COPS3: variants seen among roughly 807,000 people sequenced by gnomAD.
COPS3 encodes the protein COP9 signalosome complex subunit 3.
A neutral mutation model predicts 58.2 loss-of-function variants in COPS3; 10 were observed. The observed-to-expected ratio is 0.17, with a 90% CI of 0.11 to 0.29. The LOEUF (loss-of-function observed/expected upper bound fraction) is 0.29. Ranked by LOEUF, COPS3 falls within the 10% of genes least tolerant of loss-of-function variation. The pLI is 1.00. For synonymous variants in COPS3, 187 were observed against 181.7 expected, an observed-to-expected ratio of 1.03 and a Z score of -0.24; for missense variants, 333 against 510.1, an observed-to-expected ratio of 0.65 and a Z score of 3.34.
chr17:17,273,715 G>C lies in COPS3; in HGVS notation c.185+2320C>G, dbSNP rs2048399837. Reference sequence around the variant, plus strand: ...AAAAACACAAAAATTAGGCGGGCGTGGTGGTGTACACCTGTGGTCCTGGCT... The same window carrying C: ...AAAAACACAAAAATTAGGCGGGCGTCGTGGTGTACACCTGTGGTCCTGGCT... On this transcript the variant is annotated intron_variant, in intron 2 of 11. Coordinates refer to ENST00000268717, the MANE Select transcript of COPS3 (RefSeq NM_003653.4). Among the ~76,000 whole-genome samples, 5 of 152,162 alleles carry C rather than the reference G, an allele frequency of 3.3e-5. No individual in the cohort carries two copies. The South Asian group carries it at 1.0e-3, about 32-fold the overall frequency.
intron 9 of COPS3, among the ~76,000 whole-genome samples, 162 bp from the exon 10 acceptor site, chr17:17,249,201 C>T (rs1434557427): frequency 6.6e-6 from 1 of 152,140 alleles, no homozygotes; most frequent in Non-Finnish European, 1.5e-5. Flanking sequence ...TTATTAAATA[C>T]CTACTATTTG....
intron 8 of COPS3, among the ~76,000 whole-genome samples, chr17:17,259,165 G>C (rs1393429272): frequency 1.3e-5 from 2 of 152,066 alleles, no homozygotes; most frequent in Non-Finnish European, 2.9e-5. Context: ...ACCCTATTCT[G>C]GTTCCTTGGC....
chr17:17,267,130 G>T (rs565972041), intron 5 of COPS3, among the ~76,000 whole-genome samples: 105 of 151,918 alleles, frequency 6.9e-4, no homozygotes, highest in African/African-American at 2.4e-3. Context: ...GACGTCAGGA[G>T]ATTGAGACCA....
chr17:17,280,999 G>T, intron 1 of COPS3, 133 bp downstream of exon 1: 2 of 1,097,954 alleles, frequency 1.8e-6, no homozygotes, highest in Non-Finnish European at 2.6e-6. Context: ...TCTAAACGCC[G>T]CAACCCCAAG....
chr17:17,257,596 G>C, intron 8 of COPS3, among the ~76,000 whole-genome samples: 1 of 151,180 alleles, frequency 6.6e-6, no homozygotes, highest in East Asian at 2.0e-4. Flanking sequence ...AGGAGATCGA[G>C]ACCATCCTAG....
intron 2 of COPS3, among the ~76,000 whole-genome samples, chr17:17,271,314 A>G (rs2048335497): frequency 6.6e-6 from 1 of 152,074 alleles, no homozygotes; most frequent in African/African-American, 2.4e-5. Context: ...CTGTAGTTGC[A>G]GATACTTGGG....
At chr17:17,248,498 G>A (rs972421804) in intron 10 of COPS3, among the ~76,000 whole-genome samples, 1 of 151,904 alleles carries the variant, frequency 6.6e-6, no homozygotes, top group Admixed American at 6.6e-5. Flanking sequence ...ATTTTTTTTA[G>A]TAGAGACGGG....
intron 1 of COPS3, among the ~76,000 whole-genome samples, chr17:17,276,706 T>G (rs891871426): frequency 6.6e-6 from 1 of 152,036 alleles, no homozygotes; most frequent in Non-Finnish European, 1.5e-5. Context: ...ATAGCTGGGA[T>G]TACAGGCGCC....
At chr17:17,274,110 A>G (rs1437916167) in intron 2 of COPS3, among the ~76,000 whole-genome samples, 1 of 152,230 alleles carries the variant, frequency 6.6e-6, no homozygotes, top group African/African-American at 2.4e-5. Flanking sequence ...TTTTGAAGGT[A>G]TAAGGTGTTT....
At chr17:17,259,443 G>A (rs2041194328) in intron 8 of COPS3, among the ~76,000 whole-genome samples, 1 of 152,096 alleles carries the variant, frequency 6.6e-6, no homozygotes, top group South Asian at 2.1e-4. Context: ...AAACCTAGCA[G>A]GTTATTTTCA....
chr17:17,278,325 A>G (rs551643030), intron 1 of COPS3, among the ~76,000 whole-genome samples: 2 of 152,338 alleles, frequency 1.3e-5, no homozygotes, highest in South Asian at 2.1e-4. Flanking sequence ...TCTACAGAGC[A>G]ACTGCATAAT....
chr17:17,271,786 C>T (rs2145246322), intron 2 of COPS3, among the ~76,000 whole-genome samples: 1 of 149,678 alleles, frequency 6.7e-6, no homozygotes, highest in Non-Finnish European at 1.5e-5. Context: ...TGCCACTGCA[C>T]TCCAGCCTGG....
At chr17:17,267,411 C>A (rs752820616) in intron 5 of COPS3, among the ~76,000 whole-genome samples, 1 of 150,550 alleles carries the variant, frequency 6.6e-6, no homozygotes, top group African/African-American at 2.4e-5. Flanking sequence ...GAGGCTGAGG[C>A]GGGTGGATCA....
At chr17:17,249,561 C>T (rs2047795904) in intron 9 of COPS3, among the ~76,000 whole-genome samples, 1 of 151,914 alleles carries the variant, frequency 6.6e-6, no homozygotes, top group African/African-American at 2.4e-5. Context: ...GGCACAATCT[C>T]GGCTCACTGC....
chr17:17,272,229 C>A (rs1002685259), intron 2 of COPS3, among the ~76,000 whole-genome samples: 10 of 152,092 alleles, frequency 6.6e-5, no homozygotes, highest in African/African-American at 2.2e-4. Context: ...TCAAGACCAG[C>A]CTGACCAATC....
At chr17:17,274,262 T>G (rs1200618893) in intron 2 of COPS3, among the ~76,000 whole-genome samples, 2 of 152,172 alleles carry the variant, frequency 1.3e-5, no homozygotes, top group African/African-American at 4.8e-5. Context: ...GCAGTCGCAA[T>G]GCCTCACTGA....
In COPS3 at chr17:17,276,131, T is replaced by C. The variant is rs1382049845; in HGVS notation, c.89A>G (p.Lys30Arg). Residue 30 changes from lysine (K) to arginine (R), a missense_variant, in exon 2 of 12, where the codon AAG becomes AGG. Coordinates refer to ENST00000268717, the MANE Select transcript of COPS3 (RefSeq NM_003653.4). Reference sequence around the variant, plus strand: ...GTTCTTCGCAAGGAGTTCCCCACTCTTGTTGATCAGTTCACAAAGCTGTGT... The same window carrying C: ...GTTCTTCGCAAGGAGTTCCCCACTCCTGTTGATCAGTTCACAAAGCTGTGT... ...QMTQLCELIN[K>R]SGELLAKNLS... 3.1e-6 allele frequency: 5 copies of C among 1,613,962 alleles called. No individual in the cohort carries two copies. The highest frequency in any genetic ancestry group is 1.3e-5 in the African/African-American group (1 of 74,926).
At chr17:17,248,872 C>T in intron 10 of COPS3, 54 bp downstream of exon 10, 1 of 1,157,878 alleles carries the variant, frequency 8.6e-7, no homozygotes, top group Non-Finnish European at 1.3e-6. Context: ...GAGCAATTTT[C>T]AAATACATCT....
intron 5 of COPS3, among the ~76,000 whole-genome samples, chr17:17,267,096 G>C (rs929004412): frequency 4.0e-5 from 6 of 151,696 alleles, no homozygotes; most frequent in Admixed American, 3.3e-4. Context: ...CCAGCACTTT[G>C]GGAGGCTGAG....
Sources: gnomAD v4.1 joint callset for allele counts (sites outside exome capture counted in the v4.1 genomes callset) on GRCh38, gnomAD v4.1.1 for gene constraint, MANE v1.5 for transcripts, NCBI Gene and HGNC (gene_info 2026-07-23, HGNC 2026-07-21) for gene names.